CORIN: variants seen among roughly 807,000 people sequenced by gnomAD.
CORIN encodes the protein corin, serine peptidase.
Under a neutral mutation model 125.3 loss-of-function variants are expected in CORIN, and 117 were observed. The ratio of observed to expected loss-of-function variants is 0.93; its 90% CI spans 0.80 to 1.09. The LOEUF is 1.09. Ranked by LOEUF, CORIN falls within the 50% of genes least tolerant of loss-of-function variation. CORIN has a pLI of 0.00. For synonymous variants in CORIN, 450 were observed against 466.4 expected, an observed-to-expected ratio of 0.96 and a Z score of 0.45; for missense variants, 1,253 against 1,306.7, an observed-to-expected ratio of 0.96 and a Z score of 0.63.
intron 6 of CORIN, among the ~76,000 whole-genome samples, chr4:47,689,117 C>T (rs1725654177): frequency 6.6e-6 from 1 of 152,142 alleles, no homozygotes; most frequent in Admixed American, 6.5e-5. Context: ...CCCACGACTT[C>T]CAGTGGTCAT....
At chr4:47,832,439 TCTTTTC>T (rs1366668322) in intron 1 of CORIN, among the ~76,000 whole-genome samples, 1 of 141,020 alleles carries the variant, frequency 7.1e-6, no homozygotes, top group Non-Finnish European at 1.5e-5. Flanking sequence ...TTCTTTCTTT[TCTTTTC>T]TTTTTTTTTT....
At chr4:47,627,526 T>G (rs2109568655) in intron 16 of CORIN, among the ~76,000 whole-genome samples, 1 of 152,308 alleles carries the variant, frequency 6.6e-6, no homozygotes, top group East Asian at 1.9e-4. Context: ...AGATATAAAT[T>G]TATTTAGAAA....
chr4:47,724,187 T>C lies in CORIN; in HGVS notation c.799+20215A>G, dbSNP rs10461074. Among the ~76,000 whole-genome samples, 222 of 152,036 alleles carry C rather than the reference T, an allele frequency of 1.5e-3. 4 individuals are homozygous for C. The East Asian group carries it at 0.041, about 28-fold the overall frequency. On this transcript the variant is annotated intron_variant, in intron 5 of 21. Transcript: ENST00000273857. ...TTTGAAGTGAATGAAGGATAGAAGT[T>C]ATCAGTAAAGAAATAGCAGCTATGG...
intron 5 of CORIN, among the ~76,000 whole-genome samples, chr4:47,702,159 A>G (rs1726326744): frequency 6.6e-6 from 1 of 152,100 alleles, no homozygotes; most frequent in South Asian, 2.1e-4. Context: ...TATTTTTGAG[A>G]CTTTCCTCCA....
chr4:47,810,292 A>G (rs1217691550), intron 1 of CORIN, among the ~76,000 whole-genome samples: 1 of 151,960 alleles, frequency 6.6e-6, no homozygotes, highest in Admixed American at 6.6e-5. Context: ...GGCTCAAGTG[A>G]TTCTCCTGCC....
chr4:47,763,654 A>G (rs573361996), intron 3 of CORIN, 68 bp from the exon 4 acceptor site: 546 of 1,351,848 alleles, frequency 4.0e-4, no homozygotes, highest in Middle Eastern at 1.0e-3. Context: ...AACTCATTTA[A>G]TATTTGTTTA....
chr4:47,682,925 A>T (rs1725351749), intron 7 of CORIN: 2 of 152,220 alleles, frequency 1.3e-5, no homozygotes, highest in Admixed American at 6.5e-5. Context: ...CCTAACATTC[A>T]TGATTCCAAT....
chr4:47,767,103 G>A (rs1336762184), intron 3 of CORIN, among the ~76,000 whole-genome samples: 1 of 152,116 alleles, frequency 6.6e-6, no homozygotes, highest in East Asian at 1.9e-4. Context: ...GCTTCCATCA[G>A]AAGATAAATA....
intron 10 of CORIN, among the ~76,000 whole-genome samples, chr4:47,670,580 C>T (rs1216688190): frequency 1.3e-5 from 2 of 152,136 alleles, no homozygotes; most frequent in Non-Finnish European, 2.9e-5. Flanking sequence ...CACGAGTAAG[C>T]GTAAAACTAA....
At chr4:47,697,433 G>T (rs866153429) in intron 5 of CORIN, among the ~76,000 whole-genome samples, 103 of 152,254 alleles carry the variant, frequency 6.8e-4, no homozygotes, top group South Asian at 3.5e-3. Flanking sequence ...GGAGTGAGGG[G>T]CCAGGTGCAG....
At chr4:47,751,310 T>C (rs543375818) in intron 4 of CORIN, among the ~76,000 whole-genome samples, 6 of 152,330 alleles carry the variant, frequency 3.9e-5, no homozygotes, top group African/African-American at 1.4e-4. Context: ...TGACTGCATA[T>C]ACATTATGTT....
intron 9 of CORIN, among the ~76,000 whole-genome samples, chr4:47,675,545 C>T (rs940073009): frequency 5.3e-5 from 8 of 151,926 alleles, no homozygotes; most frequent in African/African-American, 1.9e-4. Context: ...TGACATCATG[C>T]ATTCATTATT....
At chr4:47,661,184 G>T (rs1363873449) in intron 12 of CORIN, among the ~76,000 whole-genome samples, 2 of 152,168 alleles carry the variant, frequency 1.3e-5, no homozygotes, top group African/African-American at 2.4e-5. Flanking sequence ...TGTCTGCGAA[G>T]GGTAGTGGTG....
intron 16 of CORIN, among the ~76,000 whole-genome samples, chr4:47,640,544 G>T (rs1402827181): frequency 6.6e-6 from 1 of 152,168 alleles, no homozygotes; most frequent in Non-Finnish European, 1.5e-5. Context: ...GATAATAAAA[G>T]TGTTCTAAAA....
chr4:47,603,809 T>C (rs1721542768), intron 19 of CORIN, 141 bp from the exon 20 acceptor site: 3 of 903,426 alleles, frequency 3.3e-6, no homozygotes, highest in Non-Finnish European at 5.0e-6. Flanking sequence ...ATAAGTGGCA[T>C]TTATATAATA....
intron 4 of CORIN, among the ~76,000 whole-genome samples, chr4:47,753,892 A>C (rs561465180): frequency 6.6e-6 from 1 of 152,320 alleles, no homozygotes; most frequent in African/African-American, 2.4e-5. Flanking sequence ...AGGCATAAGA[A>C]ATTATAAGAG....
intron 3 of CORIN, 80 bp from the exon 4 acceptor site, chr4:47,763,666 A>G: frequency 1.6e-6 from 2 of 1,280,152 alleles, no homozygotes; most frequent in South Asian, 1.3e-5. Context: ...ATTTGTTTAT[A>G]AGATAAAGTA....
intron 7 of CORIN, chr4:47,682,079 G>A (rs887913653): frequency 5.3e-5 from 8 of 152,190 alleles, no homozygotes; most frequent in African/African-American, 1.9e-4. Flanking sequence ...CATATGCAGA[G>A]TTGATCTCAT....
At chr4:47,714,257 G>A (rs1726988789) in intron 5 of CORIN, among the ~76,000 whole-genome samples, 1 of 152,170 alleles carries the variant, frequency 6.6e-6, no homozygotes, top group African/African-American at 2.4e-5. Context: ...CTTTGAATAT[G>A]TATGGACATT....
Sources: allele counts gnomAD v4.1 joint callset (sites outside exome capture counted in the v4.1 genomes callset), GRCh38; gene constraint gnomAD v4.1.1; transcripts MANE v1.5; gene names NCBI Gene and HGNC (gene_info 2026-07-23, HGNC 2026-07-21).